FXN: variants seen among roughly 807,000 people sequenced by gnomAD.
FXN encodes the protein frataxin, mitochondrial.
A neutral mutation model predicts 22.4 loss-of-function variants in FXN; 14 were observed. The ratio of observed to expected loss-of-function variants is 0.62; its 90% confidence interval spans 0.41 to 0.98. The LOEUF is 0.98. Among genes scored for constraint, FXN ranks in the 50% least tolerant of loss-of-function variants. The probability of loss-of-function intolerance (pLI) is 0.00; values close to 1 mark genes in which losing one functional copy is unlikely to be tolerated. For missense variants in FXN, 267 were observed against 268.4 expected (o/e 0.99, Z 0.04); for synonymous variants, 120 against 114.1 (o/e 1.05, Z -0.33).
chr9:69,040,535 A>G (rs1222526974), intron 1 of FXN, among the ~76,000 whole-genome samples: 2 of 152,006 alleles, frequency 1.3e-5, no homozygotes, highest in Non-Finnish European at 2.9e-5. Context: ...GGGCGTGGTG[A>G]CGGGTGCCTG....
At chr9:69,067,495 C>G (rs1439412061) in intron 4 of FXN, among the ~76,000 whole-genome samples, 1 of 152,156 alleles carries the variant, frequency 6.6e-6, no homozygotes, top group Non-Finnish European at 1.5e-5. Context: ...ATGCTGTGGC[C>G]CGGACAGTGG....
At position 69,076,658 on chromosome 9, in the gene FXN, G is replaced by T. The variant is rs945777918; in HGVS notation, c.*3896G>T. Reference sequence around the variant, plus strand: ...CTAAAGGAAGACCCATGTTCATAGTGATGGAGTTTGTGTGGACTAACCATG... The same window carrying T: ...CTAAAGGAAGACCCATGTTCATAGTTATGGAGTTTGTGTGGACTAACCATG... On this transcript the variant is annotated 3_prime_UTR_variant, in exon 5 of 5. Transcript: ENST00000484259. 1 of 985,326 alleles carries T rather than the reference G, an allele frequency of 1.0e-6. No homozygotes were observed. The highest frequency in any genetic ancestry group is 1.2e-6 in the Non-Finnish European group (1 of 829,950). The allele number at this position is 985,326 out of a possible 1,614,324, so 61.0% of individuals were successfully genotyped here.
At position 69,075,713 on chromosome 9, in the gene FXN, A is replaced by G. The variant is rs1470577608; in HGVS notation, c.*2951A>G. 3 of 985,082 alleles carry G rather than the reference A, an allele frequency of 3.0e-6. No homozygotes were observed. In the African/African-American group the frequency reaches 5.2e-5, roughly 17 times the overall value. 61.0% of individuals were successfully genotyped at this position (985,082 alleles called of 1,614,324 possible). ...AGGAGGTGAGGAATTGCATAATACA[A>G]TCTTAGAAAACTTTTTTTTCCCCTT... On this transcript the variant is annotated 3_prime_UTR_variant, in exon 5 of 5. Transcript: ENST00000484259.
chr9:69,036,376 C>CGTGTGTGTTGT (rs1831551813), intron 1 of FXN, among the ~76,000 whole-genome samples: 1 of 152,168 alleles, frequency 6.6e-6, no homozygotes, highest in Admixed American at 6.5e-5. Context: ...CTGTATATAG[C>CGTGTGTGTTGT]GTGTGTGTTG....
rs553338069 is a variant in FXN at position 69,074,851 on chromosome 9, A to T, written c.*2089A>T. Reference sequence around the variant, plus strand: ...GAGTCTGATGGAAATGTTTAAGTGCAGTAGGCCAGTGCCAGTGAGAAAATA... The same window carrying T: ...GAGTCTGATGGAAATGTTTAAGTGCTGTAGGCCAGTGCCAGTGAGAAAATA... On this transcript the variant is annotated 3_prime_UTR_variant, in exon 5 of 5. Coordinates refer to ENST00000484259, the MANE Select transcript of FXN (RefSeq NM_000144.5). 1 of 984,236 alleles carries T rather than the reference A, an allele frequency of 1.0e-6. No individual in the cohort carries two copies. The highest frequency in any genetic ancestry group is 6.1e-5 in the Admixed American group (1 of 16,296). The allele number at this position is 984,236 out of a possible 1,614,324, so 61.0% of individuals were successfully genotyped here.
chr9:69,071,095 G>A (rs960707341), intron 4 of FXN: 3 of 466,030 alleles, frequency 6.4e-6, no homozygotes, highest in African/African-American at 4.0e-5. Flanking sequence ...CTAGGGACAC[G>A]TGGGCATCAG....
chr9:69,060,204 TA>T (rs574613747), intron 3 of FXN, among the ~76,000 whole-genome samples: 4 of 151,774 alleles, frequency 2.6e-5, no homozygotes, highest in Admixed American at 2.0e-4. Flanking sequence ...CCGTCTCTAC[TA>T]AAAAAATACA....
Position 69,075,985 on chromosome 9 carries a change from G to T in FXN, c.*3223G>T. 1 of 979,750 alleles carries T rather than the reference G, an allele frequency of 1.0e-6. No individual in the cohort carries two copies. Among genetic ancestry groups the T allele is most frequent in the Non-Finnish European group, 1.2e-6 (1 of 824,870 alleles). 60.7% of individuals were successfully genotyped at this position (979,750 alleles called of 1,614,324 possible). A position where few individuals can be genotyped will look rare whatever the true frequency, so the allele number is the denominator to read the frequency against. On this transcript the variant is annotated 3_prime_UTR_variant, in exon 5 of 5. Transcript: ENST00000484259. Reference sequence around the variant, plus strand: ...CTCCCAAGATGCTGGGATTACAGGTGTGTGCCACAGGTGTTCATCAGAAAG... The same window carrying T: ...CTCCCAAGATGCTGGGATTACAGGTTTGTGCCACAGGTGTTCATCAGAAAG...
At chr9:69,059,402 T>TTA (rs1832024518) in intron 3 of FXN, among the ~76,000 whole-genome samples, 1 of 126,666 alleles carries the variant, frequency 7.9e-6, no homozygotes, top group South Asian at 2.9e-4. Flanking sequence ...TTTTTTTTTT[T>TTA]TTTTTTTTTT....
chr9:69,035,935 G>T lies in FXN; in HGVS notation c.153G>T (p.Thr51=). 2 of 1,460,574 alleles carry T rather than the reference G, an allele frequency of 1.4e-6. No homozygotes were observed. Among genetic ancestry groups the T allele is most frequent in the South Asian group, 1.3e-5 (1 of 77,536 alleles). The allele number at this position is 1,460,574 out of a possible 1,614,324, so 90.5% of individuals were successfully genotyped here. ...GLRTDIDATC[T]PRRASSNQRG... is the part of the protein sequence containing the mutation. ...GCACCGACATCGATGCGACCTGCACGCCCCGCCGCGCAGTAAGTATCCGCG... is the reference window on the plus strand; with the variant it reads ...GCACCGACATCGATGCGACCTGCACTCCCCGCCGCGCAGTAAGTATCCGCG... The change falls in exon 1 of 5, where the codon ACG becomes ACT. Residue 51 remains threonine, a synonymous_variant. Transcript: ENST00000484259.
At chr9:69,066,852 C>A (rs1010088747) in intron 4 of FXN, among the ~76,000 whole-genome samples, 11 of 114,044 alleles carry the variant, frequency 9.6e-5, no homozygotes, top group Non-Finnish European at 2.2e-4. Flanking sequence ...CAGATACTAT[C>A]TTCCTCAAAA....
intron 1 of FXN, 182 bp downstream of exon 1, chr9:69,036,129 C>A (rs867215385): frequency 1.5e-5 from 6 of 388,662 alleles, no homozygotes; most frequent in African/African-American, 2.1e-5. Flanking sequence ...TCTGGTTCTC[C>A]CGGTTGCATT....
chr9:69,058,773 A>C (rs1832009927), intron 3 of FXN, among the ~76,000 whole-genome samples: 1 of 152,200 alleles, frequency 6.6e-6, no homozygotes, highest in South Asian at 2.1e-4. Context: ...GCAGAAAATG[A>C]AAGTGAGGGC....
intron 2 of FXN, among the ~76,000 whole-genome samples, chr9:69,049,252 A>T (rs1357550105): frequency 1.3e-5 from 2 of 152,052 alleles, no homozygotes; most frequent in East Asian, 3.9e-4. Flanking sequence ...TACGTTTCTC[A>T]AATTCTTCAA....
intron 1 of FXN, among the ~76,000 whole-genome samples, chr9:69,040,646 T>C (rs1432256525): frequency 6.6e-6 from 1 of 151,966 alleles, no homozygotes; most frequent in Non-Finnish European, 1.5e-5. Context: ...CCAGCCTGGG[T>C]GACAGAGCGA....
chr9:69,076,954 A>G lies in FXN; in HGVS notation c.*4192A>G, dbSNP rs757256914. 16 of 959,574 alleles carry G rather than the reference A, an allele frequency of 1.7e-5. No individual in the cohort carries two copies. Among genetic ancestry groups the G allele is most frequent in the Non-Finnish European group, 2.0e-5 (16 of 806,322 alleles). 59.4% of individuals were successfully genotyped at this position (959,574 alleles called of 1,614,324 possible). A position where few individuals can be genotyped will look rare whatever the true frequency, so the allele number is the denominator to read the frequency against. On this transcript the variant is annotated 3_prime_UTR_variant, in exon 5 of 5. Transcript: ENST00000484259. ...TTTTGAGACAGAGTCTTGCTCTGTCACCCAGGCTGGAGTGCAGTGGCACGA... is the reference window on the plus strand; with the variant it reads ...TTTTGAGACAGAGTCTTGCTCTGTCGCCCAGGCTGGAGTGCAGTGGCACGA...
At chr9:69,067,762 C>G (rs927549643) in intron 4 of FXN, among the ~76,000 whole-genome samples, 1 of 152,152 alleles carries the variant, frequency 6.6e-6, no homozygotes, top group Non-Finnish European at 1.5e-5. Flanking sequence ...GCCATCATGC[C>G]AGGGAAAATG....
intron 3 of FXN, among the ~76,000 whole-genome samples, chr9:69,063,966 G>A (rs1454006399): frequency 6.6e-6 from 1 of 152,178 alleles, no homozygotes; most frequent in African/African-American, 2.4e-5. Flanking sequence ...TTTCAGGCAT[G>A]AGCCATGCCT....
Position 69,075,426 on chromosome 9 carries a change from C to T in FXN, c.*2664C>T. 1.1e-6 allele frequency: 1 copy of T among 921,680 alleles called. No individual in the cohort carries two copies. The highest frequency in any genetic ancestry group is 1.3e-6 in the Non-Finnish European group (1 of 772,556). The allele number at this position is 921,680 out of a possible 1,614,324, so 57.1% of individuals were successfully genotyped here. ...AGTGAGACGAGATCATGCCACTTCA[C>T]TCCAGCCTGGCCAACAGAGCCATAC... On this transcript the variant is annotated 3_prime_UTR_variant, in exon 5 of 5. Transcript: ENST00000484259.
Sources: gnomAD v4.1 joint callset for allele counts (sites outside exome capture counted in the v4.1 genomes callset) on GRCh38, gnomAD v4.1.1 for gene constraint, MANE v1.5 for transcripts, NCBI Gene and HGNC (gene_info 2026-07-23, HGNC 2026-07-21) for gene names.